ARL15: variants seen among roughly 807,000 people sequenced by gnomAD.
ARL15 encodes the protein ADP-ribosylation factor-like protein 15.
In ARL15, 19 loss-of-function variants were observed where a neutral mutation model predicts 25.2. The observed-to-expected ratio is 0.75, with a 90% CI of 0.53 to 1.10. The LOEUF (loss-of-function observed/expected upper bound fraction) is 1.10. Among genes scored for constraint, ARL15 ranks in the 50% least tolerant of loss-of-function variants. ARL15 has a pLI of 0.00. For synonymous variants in ARL15, 94 were observed against 86.8 expected, an observed-to-expected ratio of 1.08 and a Z score of -0.46; for missense variants, 220 against 246.0, an observed-to-expected ratio of 0.89 and a Z score of 0.71.
intron 4 of ARL15, among the ~76,000 whole-genome samples, chr5:53,927,032 T>G (rs1324073534): frequency 6.6e-6 from 1 of 152,052 alleles, no homozygotes; most frequent in Non-Finnish European, 1.5e-5. Context: ...TGGTAAAATA[T>G]ATATAACATA....
At chr5:54,222,863 G>A (rs190567504) in intron 1 of ARL15, among the ~76,000 whole-genome samples, 12 of 151,898 alleles carry the variant, frequency 7.9e-5, no homozygotes, top group East Asian at 7.7e-4. Flanking sequence ...TCACTCTGTC[G>A]CCCAAGAGTG....
intron 1 of ARL15, among the ~76,000 whole-genome samples, chr5:54,265,924 GT>G (rs1414404257): frequency 1.3e-5 from 2 of 152,192 alleles, no homozygotes; most frequent in Non-Finnish European, 2.9e-5. Flanking sequence ...ACCCTGTGAG[GT>G]TGGAACTATT....
chr5:54,180,676 G>A (rs1755031516), intron 1 of ARL15, among the ~76,000 whole-genome samples: 1 of 152,180 alleles, frequency 6.6e-6, no homozygotes, highest in Non-Finnish European at 1.5e-5. Flanking sequence ...GAGGCTTCTG[G>A]CCAATACATC....
intron 3 of ARL15, among the ~76,000 whole-genome samples, chr5:54,131,615 T>C (rs1228279839): frequency 1.3e-5 from 2 of 152,220 alleles, no homozygotes; most frequent in Non-Finnish European, 2.9e-5. Context: ...AAAATGTTTT[T>C]AGTTTACCAA....
intron 1 of ARL15, among the ~76,000 whole-genome samples, chr5:54,213,959 T>A (rs759741150): frequency 6.6e-6 from 1 of 152,202 alleles, no homozygotes; most frequent in Non-Finnish European, 1.5e-5. Flanking sequence ...TTATCAGATA[T>A]ACTTACGACT....
At chr5:54,268,451 C>A (rs1055207643) in intron 1 of ARL15, among the ~76,000 whole-genome samples, 23 of 152,206 alleles carry the variant, frequency 1.5e-4, no homozygotes, top group African/African-American at 5.3e-4. Context: ...TCGTCTGAAG[C>A]CTTCTTCTCT....
At chr5:54,287,963 TG>T (rs1758223384) in intron 1 of ARL15, among the ~76,000 whole-genome samples, 1 of 152,182 alleles carries the variant, frequency 6.6e-6, no homozygotes, top group South Asian at 2.1e-4. Context: ...CAGTTCATAG[TG>T]CAAAATAAAA....
intron 1 of ARL15, among the ~76,000 whole-genome samples, chr5:54,251,324 G>A (rs1485942102): frequency 1.3e-5 from 2 of 152,082 alleles, no homozygotes; most frequent in South Asian, 2.1e-4. Flanking sequence ...AAACATCTAG[G>A]TATTTTCATT....
chr5:54,201,027 C>T (rs1217638393), intron 1 of ARL15, among the ~76,000 whole-genome samples: 2 of 151,902 alleles, frequency 1.3e-5, no homozygotes, highest in Non-Finnish European at 1.5e-5. Context: ...CCAATTAAAT[C>T]CCTCAAATTC....
At chr5:54,002,508 C>G (rs774860802) in intron 4 of ARL15, among the ~76,000 whole-genome samples, 4 of 152,004 alleles carry the variant, frequency 2.6e-5, no homozygotes, top group Non-Finnish European at 4.4e-5. Flanking sequence ...CTAAGAGGGA[C>G]CAAATGTACA....
At chr5:54,198,130 T>C (rs1755607497) in intron 1 of ARL15, among the ~76,000 whole-genome samples, 1 of 152,208 alleles carries the variant, frequency 6.6e-6, no homozygotes, top group African/African-American at 2.4e-5. Flanking sequence ...AAATTAGGTA[T>C]TGATGGGACT....
At chr5:54,253,898 A>G (rs989426023) in intron 1 of ARL15, among the ~76,000 whole-genome samples, 1 of 152,202 alleles carries the variant, frequency 6.6e-6, no homozygotes, top group African/African-American at 2.4e-5. Context: ...CCCAGATGAT[A>G]CATTATAAGT....
intron 4 of ARL15, among the ~76,000 whole-genome samples, chr5:53,949,904 A>C (rs1274839473): frequency 1.3e-5 from 2 of 152,208 alleles, no homozygotes; most frequent in Non-Finnish European, 2.9e-5. Flanking sequence ...AGGACTAAAG[A>C]CTAACAAATG....
chr5:54,032,295 G>A (rs113262142), intron 4 of ARL15, among the ~76,000 whole-genome samples: 6,168 of 151,772 alleles, frequency 0.041, 419 homozygotes, highest in African/African-American at 0.14. Flanking sequence ...GTGCAGTGGC[G>A]TGATCTAGGC....
At chr5:53,953,446 G>T (rs1403922282) in intron 4 of ARL15, among the ~76,000 whole-genome samples, 1 of 152,212 alleles carries the variant, frequency 6.6e-6, no homozygotes, top group African/African-American at 2.4e-5. Context: ...AGATTGAGTT[G>T]TTTGTATATG....
chr5:54,238,944 A>G (rs1579940888), intron 1 of ARL15, among the ~76,000 whole-genome samples: 2 of 152,198 alleles, frequency 1.3e-5, no homozygotes, highest in East Asian at 3.8e-4. Flanking sequence ...TCCTGAGGTA[A>G]AATACCAAGG....
chr5:54,153,494 A>C (rs554250919), intron 3 of ARL15, among the ~76,000 whole-genome samples: 1 of 152,216 alleles, frequency 6.6e-6, no homozygotes, highest in Admixed American at 6.5e-5. Context: ...AAAACTTTGC[A>C]TAGAAAAATT....
intron 2 of ARL15, among the ~76,000 whole-genome samples, chr5:54,160,812 C>T (rs964490196): frequency 6.6e-6 from 1 of 152,144 alleles, no homozygotes; most frequent in Non-Finnish European, 1.5e-5. Flanking sequence ...TGAAATTAAA[C>T]GAACACATCC....
chr5:54,020,457 T>C (rs961354654), intron 4 of ARL15, among the ~76,000 whole-genome samples: 4 of 152,112 alleles, frequency 2.6e-5, no homozygotes, highest in Non-Finnish European at 5.9e-5. Flanking sequence ...ACCCACCAGA[T>C]GCCAACAAAG....
Sources: gnomAD v4.1 joint callset for allele counts (sites outside exome capture counted in the v4.1 genomes callset) on GRCh38, gnomAD v4.1.1 for gene constraint, MANE v1.5 for transcripts, NCBI Gene and HGNC (gene_info 2026-07-23, HGNC 2026-07-21) for gene names.